SP2: variants seen among roughly 807,000 people sequenced by gnomAD.
SP2 encodes transcription factor Sp2.
A neutral mutation model predicts 50.1 loss-of-function variants in SP2; 9 were observed. The ratio of observed to expected loss-of-function variants is 0.18; its 90% CI spans 0.11 to 0.31. The LOEUF (loss-of-function observed/expected upper bound fraction) is 0.31, where lower values mean the gene tolerates loss of function less well. Among genes scored for constraint, SP2 ranks in the 10% least tolerant of loss-of-function variants. The probability of loss-of-function intolerance (pLI) is 1.00; values close to 1 mark genes in which losing one functional copy is unlikely to be tolerated. For synonymous variants in SP2, 313 were observed against 326.6 expected, an observed-to-expected ratio of 0.96 and a Z score of 0.45; for missense variants, 581 against 806.5, an observed-to-expected ratio of 0.72 and a Z score of 3.39.
chr17:47,909,261 C>G (rs1399341211), intron 1 of SP2, among the ~76,000 whole-genome samples: 1 of 152,208 alleles, frequency 6.6e-6, no homozygotes, highest in Non-Finnish European at 1.5e-5. Flanking sequence ...TTTAGAAATG[C>G]AATCCAAAAT....
At chr17:47,903,674 T>C (rs2034635366) in intron 1 of SP2, among the ~76,000 whole-genome samples, 1 of 123,324 alleles carries the variant, frequency 8.1e-6, no homozygotes, top group African/African-American at 3.1e-5. Flanking sequence ...GTTTAAGAAG[T>C]AGCCATGGCC....
chr17:47,910,162 G>A (rs906465541), intron 1 of SP2, among the ~76,000 whole-genome samples: 4 of 152,126 alleles, frequency 2.6e-5, no homozygotes, highest in East Asian at 1.9e-4. Flanking sequence ...TTTACTTGTC[G>A]TCTAGATCTT....
intron 1 of SP2, among the ~76,000 whole-genome samples, chr17:47,903,661 G>A (rs764774801): frequency 2.8e-5 from 4 of 143,870 alleles, no homozygotes; most frequent in South Asian, 2.2e-4. Flanking sequence ...CACGGATGAC[G>A]TGGTTTAAGA....
chr17:47,925,771 C>T (rs1009696728), intron 6 of SP2, among the ~76,000 whole-genome samples: 3 of 152,176 alleles, frequency 2.0e-5, no homozygotes, highest in African/African-American at 7.2e-5. Context: ...ATGACACAAC[C>T]TGATAACTTT....
intron 4 of SP2, among the ~76,000 whole-genome samples, chr17:47,924,547 C>T (rs2035576813): frequency 6.6e-6 from 1 of 152,192 alleles, no homozygotes; most frequent in Non-Finnish European, 1.5e-5. Context: ...AGACCCTTCC[C>T]AGCTGAAATC....
intron 3 of SP2, among the ~76,000 whole-genome samples, chr17:47,919,940 G>A (rs534026031): frequency 1.4e-5 from 2 of 146,670 alleles, no homozygotes; most frequent in East Asian, 2.2e-4. Context: ...GGGTTCAAGC[G>A]ATTCTCCTGT....
intron 3 of SP2, among the ~76,000 whole-genome samples, chr17:47,918,979 C>T (rs910182216): frequency 6.7e-6 from 1 of 149,340 alleles, no homozygotes; most frequent in Non-Finnish European, 1.5e-5. Flanking sequence ...ATAAAAAAAG[C>T]TTGCTGAACC....
At chr17:47,919,020 T>C (rs527971649) in intron 3 of SP2, among the ~76,000 whole-genome samples, 95 of 151,572 alleles carry the variant, frequency 6.3e-4, no homozygotes, top group African/African-American at 1.7e-3. Context: ...CACACATGCA[T>C]GCACGCATAC....
Position 47,923,006 on chromosome 17 carries a change from C to T in SP2, c.1104C>T (p.Val368=). 6.2e-7 allele frequency: 1 copy of T among 1,614,132 alleles called. No homozygotes were observed. Among genetic ancestry groups the T allele is most frequent in the East Asian group, 2.2e-5 (1 of 44,878 alleles). ...CCGGTGAGGTGCAGACAGTCCTTGTCCAGGACAGCCCCCCAGCAACAGCTG... is the reference window on the plus strand; with the variant it reads ...CCGGTGAGGTGCAGACAGTCCTTGTTCAGGACAGCCCCCCAGCAACAGCTG... ...TPSGEVQTVL[V]QDSPPATAAA... The change falls in exon 4 of 7, where the codon GTC becomes GTT. Residue 368 remains valine (V), a synonymous_variant. Coordinates refer to ENST00000376741, the MANE Select transcript of SP2 (RefSeq NM_003110.6).
intron 1 of SP2, chr17:47,897,775 C>A: frequency 1.5e-6 from 1 of 688,916 alleles, no homozygotes; most frequent in Non-Finnish European, 1.8e-6. Context: ...AATATAACTG[C>A]AGTGTCTTGT....
At position 47,928,000 on chromosome 17, in the gene SP2, C is replaced by T; in HGVS notation, c.*176C>T. ...CTGTATTGTCCTCCTTCTGAAGCCC[C>T]TTGGCTCTGCCTTGGCCCTTCCCCT... On this transcript the variant is annotated 3_prime_UTR_variant, in exon 7 of 7. Transcript: ENST00000376741. The T allele has an allele frequency of 3.4e-6, 2 of 593,050 alleles. No individual in the cohort carries two copies. Among genetic ancestry groups the T allele is most frequent in the Non-Finnish European group, 6.1e-6 (2 of 330,070 alleles). The allele number at this position is 593,050 out of a possible 1,614,324, so 36.7% of individuals were successfully genotyped here.
At chr17:47,925,239 C>T (rs1342851694) in intron 5 of SP2, 109 bp from the exon 6 acceptor site, 1 of 1,401,090 alleles carries the variant, frequency 7.1e-7, no homozygotes, top group Non-Finnish European at 9.8e-7. Flanking sequence ...CCTCCTTGTG[C>T]TCTCTGACCT....
intron 1 of SP2, among the ~76,000 whole-genome samples, chr17:47,906,601 C>T (rs2034771289): frequency 6.6e-6 from 1 of 152,072 alleles, no homozygotes; most frequent in Non-Finnish European, 1.5e-5. Context: ...CAGCCAGAGA[C>T]CTGAAGGGTG....
intron 1 of SP2, among the ~76,000 whole-genome samples, chr17:47,901,149 C>CTTT (rs201921974): frequency 6.8e-6 from 1 of 146,374 alleles, no homozygotes. Flanking sequence ...CCTTCGTTAT[C>CTTT]TTTTTTTTTT....
chr17:47,922,491 CTTTT>C (rs987657572), intron 3 of SP2, among the ~76,000 whole-genome samples: 2 of 138,868 alleles, frequency 1.4e-5, no homozygotes, highest in African/African-American at 5.3e-5. Flanking sequence ...ATATGTGGCT[CTTTT>C]TTTTTTTTCT....
intron 1 of SP2, 81 bp downstream of exon 1, chr17:47,896,374 C>G (rs996911984): frequency 1.7e-6 from 2 of 1,167,346 alleles, no homozygotes; most frequent in Non-Finnish European, 2.2e-6. Context: ...GGAGAGGGAG[C>G]CGAGGCCGGG....
At chr17:47,927,531 C>CAAAAAAA (rs61309845) in intron 6 of SP2, among the ~76,000 whole-genome samples, 193 bp from the exon 7 acceptor site, 1 of 83,964 alleles carries the variant, frequency 1.2e-5, no homozygotes, top group African/African-American at 4.5e-5. Flanking sequence ...GACTCCATCT[C>CAAAAAAA]AAAAAAAAAA....
At chr17:47,922,061 CCA>C (rs2035479906) in intron 3 of SP2, among the ~76,000 whole-genome samples, 2 of 152,168 alleles carry the variant, frequency 1.3e-5, no homozygotes, top group Admixed American at 1.3e-4. Context: ...CCATCTAGCA[CCA>C]CAGTGTTCCG....
chr17:47,930,010 C>T (rs2035787499), downstream of SP2: 1 of 152,218 alleles, frequency 6.6e-6, no homozygotes, highest in Non-Finnish European at 1.5e-5. Flanking sequence ...CAGATGGATC[C>T]AGGTTCTCTG....
Sources: gnomAD v4.1 joint callset for allele counts (sites outside exome capture counted in the v4.1 genomes callset) on GRCh38, gnomAD v4.1.1 for gene constraint, MANE v1.5 for transcripts, NCBI Gene and HGNC (gene_info 2026-07-23, HGNC 2026-07-21) for gene names.